Variants in HPSE2 observed in about 807,000 individuals in gnomAD.
HPSE2 encodes heparanase 2 (inactive).
In HPSE2, 38 loss-of-function variants were observed where a neutral mutation model predicts 60.5. The observed-to-expected ratio is 0.63, with a 90% CI of 0.48 to 0.82. The LOEUF (loss-of-function observed/expected upper bound fraction) is 0.82, where lower values mean the gene tolerates loss of function less well. HPSE2 is among the 40% of genes least tolerant of loss of function. The pLI, the probability that HPSE2 is intolerant of heterozygous loss-of-function variation, is 0.00. For missense variants in HPSE2, 713 were observed against 740.4 expected (o/e 0.96, Z 0.43); for synonymous variants, 295 against 293.2 (o/e 1.01, Z -0.06).
At chr10:98,760,015 T>C (rs57074550) in intron 3 of HPSE2, among the ~76,000 whole-genome samples, 1 of 152,074 alleles carries the variant, frequency 6.6e-6, no homozygotes, top group African/African-American at 2.4e-5. Flanking sequence ...TTGGTTAATT[T>C]TATTCTTAAG....
At chr10:99,304,218 C>A in the HPSE2 span, among the ~76,000 whole-genome samples, 2 of 152,234 alleles carry the variant, frequency 1.3e-5, no homozygotes, top group African/African-American at 4.8e-5. Context: ...TCAGACATGC[C>A]TACCAGCCTG....
intron 3 of HPSE2, among the ~76,000 whole-genome samples, chr10:98,998,312 T>G (rs1956696044): frequency 6.6e-6 from 1 of 152,172 alleles, no homozygotes; most frequent in South Asian, 2.1e-4. Flanking sequence ...TTTGCCAAAT[T>G]AAAGAAGAAA....
chr10:99,052,844 G>A (rs552949096), intron 3 of HPSE2, among the ~76,000 whole-genome samples: 20 of 151,632 alleles, frequency 1.3e-4, no homozygotes, highest in African/African-American at 4.8e-4. Context: ...GTGAAATAAA[G>A]ACATCTCCAT....
chr10:99,100,501 C>G (rs1223290548), intron 3 of HPSE2, among the ~76,000 whole-genome samples: 3 of 151,920 alleles, frequency 2.0e-5, no homozygotes, highest in Admixed American at 6.6e-5. Context: ...GTGAAAAGAC[C>G]AAATCTACAT....
At chr10:98,533,726 G>C (rs1027163162) in intron 9 of HPSE2, among the ~76,000 whole-genome samples, 10 of 152,184 alleles carry the variant, frequency 6.6e-5, no homozygotes, top group South Asian at 2.1e-4. Flanking sequence ...AATGGATGGA[G>C]TTGGGAAGCT....
chr10:98,874,484 T>C (rs1952819872), intron 3 of HPSE2, among the ~76,000 whole-genome samples: 1 of 152,134 alleles, frequency 6.6e-6, no homozygotes, highest in South Asian at 2.1e-4. Flanking sequence ...TTGCTGAAGT[T>C]GCTTATCAGC....
At chr10:99,306,564 T>A in the HPSE2 span, among the ~76,000 whole-genome samples, 2 of 152,182 alleles carry the variant, frequency 1.3e-5, no homozygotes, top group Non-Finnish European at 2.9e-5. Context: ...TGTGGCATCA[T>A]TAGTCCCAAC....
At chr10:98,518,158 G>A (rs2133764915) in intron 9 of HPSE2, among the ~76,000 whole-genome samples, 1 of 152,330 alleles carries the variant, frequency 6.6e-6, no homozygotes, top group African/African-American at 2.4e-5. Flanking sequence ...AAGCAACTTG[G>A]CAGGCAGTAA....
Position 98,593,349 on chromosome 10 carries a change from A to G in HPSE2, c.1320+21555T>C, listed in dbSNP as rs184678338. On this transcript the variant is annotated intron_variant, in intron 9 of 11. Transcript: ENST00000370552. ...TGCAATCTGGGACTGGCTCATTGGA[A>G]TAAGATTCCAAAGGCAGCGAAAATC... Among the ~76,000 whole-genome samples, 380 of 152,346 alleles carry G rather than the reference A, an allele frequency of 2.5e-3. 1 individual carries two copies. The highest frequency in any genetic ancestry group is 8.0e-3 in the African/African-American group (332 of 41,584).
chr10:98,721,882 C>T, intron 4 of HPSE2, 54 bp from the exon 5 acceptor site: 2 of 1,422,588 alleles, frequency 1.4e-6, no homozygotes, highest in East Asian at 2.3e-5. Context: ...GTTCTGCCAA[C>T]ACTTTCCTGT....
At chr10:98,521,239 C>T (rs979720186) in intron 9 of HPSE2, among the ~76,000 whole-genome samples, 4 of 152,156 alleles carry the variant, frequency 2.6e-5, no homozygotes, top group African/African-American at 9.7e-5. Context: ...GCAATCTACC[C>T]ATCTGACAAA....
chr10:98,479,356 A>G (rs536973657), intron 11 of HPSE2, among the ~76,000 whole-genome samples: 1 of 152,236 alleles, frequency 6.6e-6, no homozygotes, highest in Non-Finnish European at 1.5e-5. Flanking sequence ...ACTAGCAGAC[A>G]CAGAACACAG....
intron 9 of HPSE2, among the ~76,000 whole-genome samples, chr10:98,541,358 T>C (rs1943451485): frequency 1.3e-5 from 2 of 152,094 alleles, no homozygotes; most frequent in Non-Finnish European, 2.9e-5. Flanking sequence ...TGAATAGGAA[T>C]AGCTCCGGTC....
chr10:98,960,639 G>A (rs995696476), intron 3 of HPSE2, among the ~76,000 whole-genome samples: 1 of 135,878 alleles, frequency 7.4e-6, no homozygotes, highest in African/African-American at 2.7e-5. Flanking sequence ...CCACAGCCTT[G>A]TTTGTATATC....
intron 3 of HPSE2, chr10:99,047,907 C>T (rs937314000): frequency 9.2e-6 from 7 of 760,936 alleles, no homozygotes; most frequent in Non-Finnish European, 1.7e-5. Context: ...CCCAAACTGG[C>T]GTTTGTCCTC....
At position 98,641,953 on chromosome 10, in the gene HPSE2, T is replaced by A; in HGVS notation, c.1005-13A>T. ...ATCAATGTAGCAACTGGAATAAAAA[T>A]AAAATAAGAATCAGATAAAATCTCA... On this transcript the variant is annotated splice_polypyrimidine_tract_variant and intron_variant, in intron 6 of 11. Coordinates refer to ENST00000370552, the MANE Select transcript of HPSE2 (RefSeq NM_021828.5). 1 of 1,601,260 alleles carries A rather than the reference T, an allele frequency of 6.2e-7. No homozygotes were observed. The highest frequency in any genetic ancestry group is 8.6e-7 in the Non-Finnish European group (1 of 1,168,948).
chr10:99,015,465 A>T (rs1345350125), intron 3 of HPSE2, among the ~76,000 whole-genome samples: 5 of 152,270 alleles, frequency 3.3e-5, no homozygotes, highest in African/African-American at 1.2e-4. Context: ...TGGCACATAT[A>T]CACCATGGAA....
chr10:99,063,609 T>C (rs1011265607), intron 3 of HPSE2, among the ~76,000 whole-genome samples: 1 of 152,166 alleles, frequency 6.6e-6, no homozygotes, highest in African/African-American at 2.4e-5. Context: ...TTCTAGTAAA[T>C]TGTCAATCAG....
At chr10:98,797,928 T>G (rs1214655536) in intron 3 of HPSE2, among the ~76,000 whole-genome samples, 5 of 152,114 alleles carry the variant, frequency 3.3e-5, no homozygotes, top group Non-Finnish European at 5.9e-5. Flanking sequence ...ATATCAAGAA[T>G]TTCTCAAACC....
Sources: allele counts gnomAD v4.1 joint callset (sites outside exome capture counted in the v4.1 genomes callset), GRCh38; gene constraint gnomAD v4.1.1; transcripts MANE v1.5; gene names NCBI Gene and HGNC (gene_info 2026-07-23, HGNC 2026-07-21).